Variants in HIVEP3 observed in about 807,000 individuals in gnomAD.
HIVEP3 encodes transcription factor HIVEP3.
In HIVEP3, 49 loss-of-function variants were observed where a neutral mutation model predicts 152.8. That is an observed-to-expected ratio of 0.32 (90% CI 0.26 to 0.41). HIVEP3 has a LOEUF of 0.41. HIVEP3 is among the 10% of genes least tolerant of loss of function. The pLI, the probability that HIVEP3 is intolerant of heterozygous loss-of-function variation, is 1.00. For missense variants in HIVEP3, 2,790 were observed against 3,103.3 expected, an observed-to-expected ratio of 0.90 and a Z score of 2.40; for synonymous variants, 1,269 against 1,289.0, an observed-to-expected ratio of 0.98 and a Z score of 0.33.
intron 1 of HIVEP3, among the ~76,000 whole-genome samples, chr1:41,824,464 G>A (rs1337314675): frequency 2.6e-5 from 4 of 152,002 alleles, no homozygotes; most frequent in Non-Finnish European, 5.9e-5. Flanking sequence ...GGATCACACA[G>A]CTAACGTTGT....
chr1:41,565,392 G>A (rs763739343), intron 5 of HIVEP3, among the ~76,000 whole-genome samples: 2 of 152,038 alleles, frequency 1.3e-5, no homozygotes, highest in South Asian at 2.1e-4. Context: ...AGTGGTGACC[G>A]GTGGGTGGGT....
In HIVEP3 at chr1:41,611,875, T is replaced by G. The variant is rs184128946; in HGVS notation, c.-522+16874A>C. On this transcript the variant is annotated intron_variant, in intron 3 of 8. Transcript: ENST00000372583. The stretch of plus-strand genomic sequence containing the variant: ...GGATGCTTCTCCCTAGCCTGGGAAC[T>G]CCGGTTGCCTGAGGTCGGCTCACCC... Among the ~76,000 whole-genome samples the G allele has an allele frequency of 1.4e-4, 22 of 152,314 alleles. No homozygotes were observed. In the East Asian group the frequency reaches 3.9e-3, roughly 27 times the overall value.
At position 41,716,841 on chromosome 1, in the gene HIVEP3, G is replaced by C. The variant is rs953524853; in HGVS notation, c.-800-15846C>G. ...TGTGAACGAAGCCGGTTAGAAGCCAGGCTGCATCAGACACCACTGCCTTCC... is the reference window on the plus strand; with the variant it reads ...TGTGAACGAAGCCGGTTAGAAGCCACGCTGCATCAGACACCACTGCCTTCC... On this transcript the variant is annotated intron_variant, in intron 1 of 8. Transcript: ENST00000372583. Among the ~76,000 whole-genome samples the C allele has an allele frequency of 5.9e-5, 9 of 152,222 alleles. No individual in the cohort carries two copies. The East Asian group carries it at 1.3e-3, about 23-fold the overall frequency.
chr1:41,747,995 A>G (rs1005292162), intron 1 of HIVEP3, among the ~76,000 whole-genome samples: 10 of 152,356 alleles, frequency 6.6e-5, no homozygotes, highest in African/African-American at 2.2e-4. Flanking sequence ...TCCAGAGAAT[A>G]GGAACCAGAC....
chr1:41,646,657 G>C (rs1015889562), intron 2 of HIVEP3, among the ~76,000 whole-genome samples: 5 of 152,196 alleles, frequency 3.3e-5, no homozygotes, highest in Admixed American at 1.3e-4. Context: ...AAACAGAAGA[G>C]CACGACTACA....
intron 2 of HIVEP3, among the ~76,000 whole-genome samples, chr1:41,697,927 G>C (rs1646302148): frequency 6.6e-6 from 1 of 152,174 alleles, no homozygotes. Flanking sequence ...AGACTCTGGG[G>C]CCAGACTGTC....
intron 1 of HIVEP3, among the ~76,000 whole-genome samples, chr1:41,705,809 C>A (rs1646425097): frequency 6.6e-6 from 1 of 152,186 alleles, no homozygotes; most frequent in Admixed American, 6.5e-5. Context: ...AAAAAAAATT[C>A]TAAGCAAGTT....
chr1:41,809,781 A>G (rs1356421556), intron 1 of HIVEP3, among the ~76,000 whole-genome samples: 6 of 152,204 alleles, frequency 3.9e-5, no homozygotes, highest in South Asian at 2.1e-4. Flanking sequence ...CAGTAAACAC[A>G]TGGGGAACAA....
At chr1:41,688,792 C>A (rs558580105) in intron 2 of HIVEP3, among the ~76,000 whole-genome samples, 15 of 152,286 alleles carry the variant, frequency 9.8e-5, no homozygotes, top group African/African-American at 3.4e-4. Context: ...CTCCAGACAT[C>A]CTGAGCTGGG....
intron 5 of HIVEP3, among the ~76,000 whole-genome samples, chr1:41,567,381 T>A (rs1392991661): frequency 6.6e-6 from 1 of 152,190 alleles, no homozygotes; most frequent in African/African-American, 2.4e-5. Context: ...CTGGGTTATA[T>A]TCCCCAGGAG....
intron 6 of HIVEP3, among the ~76,000 whole-genome samples, chr1:41,518,895 A>G (rs183902779): frequency 1.4e-5 from 2 of 146,592 alleles, no homozygotes; most frequent in African/African-American, 5.1e-5. Context: ...ACTATTGGCC[A>G]TCTCAAGTGT....
intron 1 of HIVEP3, among the ~76,000 whole-genome samples, chr1:41,798,817 C>T (rs1454845437): frequency 2.0e-5 from 3 of 152,180 alleles, no homozygotes; most frequent in African/African-American, 7.2e-5. Context: ...AGCTACCTTC[C>T]TTTCTAGTGG....
chr1:41,768,388 C>G (rs140620728), intron 1 of HIVEP3, among the ~76,000 whole-genome samples: 19 of 152,296 alleles, frequency 1.2e-4, no homozygotes, highest in Admixed American at 1.2e-3. Flanking sequence ...TACCTCCCAC[C>G]AGGTTCCTCC....
chr1:41,931,199 A>G (rs1424606392), intron 1 of HIVEP3, among the ~76,000 whole-genome samples: 5 of 152,024 alleles, frequency 3.3e-5, no homozygotes, highest in Admixed American at 1.3e-4. Context: ...ACCAAAGGTC[A>G]TATTTTCTCC....
At position 41,811,366 on chromosome 1, in the gene HIVEP3, G is replaced by GT. The variant is rs531173780; in HGVS notation, c.-801+107046dup. Among the ~76,000 whole-genome samples the GT allele has an allele frequency of 3.3e-3, 498 of 150,970 alleles. 3 individuals carry two copies. Among genetic ancestry groups the GT allele is most frequent in the African/African-American group, 0.012 (484 of 41,046 alleles). On this transcript the variant is annotated intron_variant, in intron 1 of 8. Coordinates refer to ENST00000372583, the MANE Select transcript of HIVEP3 (RefSeq NM_024503.5). The stretch of plus-strand genomic sequence containing the variant: ...CATGTCTTCTGCTTGCTTGTTTGTT[G>GT]TATTTCCTAGAGGAAAACAGTCTGG...
chr1:41,714,162 G>A (rs1166607240), intron 1 of HIVEP3, among the ~76,000 whole-genome samples: 1 of 152,248 alleles, frequency 6.6e-6, no homozygotes. Context: ...GAGGCTGGAA[G>A]AAGGCTGGTT....
intron 1 of HIVEP3, among the ~76,000 whole-genome samples, chr1:42,027,434 C>G (rs1645588369): frequency 6.6e-6 from 1 of 152,154 alleles, no homozygotes; most frequent in Admixed American, 6.5e-5. Flanking sequence ...CACCTGTGCT[C>G]AAAATCTTCT....
intron 5 of HIVEP3, among the ~76,000 whole-genome samples, chr1:41,546,318 C>A (rs879706549): frequency 1.3e-5 from 2 of 152,178 alleles, no homozygotes; most frequent in Non-Finnish European, 2.9e-5. Flanking sequence ...CTCTCTACCC[C>A]AATCTGTGCT....
intron 1 of HIVEP3, among the ~76,000 whole-genome samples, chr1:41,898,148 C>T (rs1644564621): frequency 6.6e-6 from 1 of 152,194 alleles, no homozygotes; most frequent in Admixed American, 6.5e-5. Context: ...TTGGTTTCAT[C>T]TATTTGTTGT....
Sources: gnomAD v4.1 joint callset for allele counts (sites outside exome capture counted in the v4.1 genomes callset) on GRCh38, gnomAD v4.1.1 for gene constraint, MANE v1.5 for transcripts, NCBI Gene and HGNC (gene_info 2026-07-23, HGNC 2026-07-21) for gene names.